Variants in RFX2 observed in about 807,000 individuals in gnomAD.
The protein encoded by RFX2 is regulatory factor X2.
In RFX2, 20 loss-of-function variants were observed where a neutral mutation model predicts 87.8. That is an observed-to-expected ratio of 0.23 (90% CI 0.16 to 0.33). The LOEUF (loss-of-function observed/expected upper bound fraction) is 0.33. Among genes scored for constraint, RFX2 ranks in the 10% least tolerant of loss-of-function variants. The pLI, the probability that RFX2 is intolerant of heterozygous loss-of-function variation, is 1.00. For missense variants in RFX2, 767 were observed against 1,012.3 expected (o/e 0.76, Z 3.29); for synonymous variants, 397 against 431.3 (o/e 0.92, Z 0.98).
intron 5 of RFX2, among the ~76,000 whole-genome samples, chr19:6,036,051 C>A (rs1049318346): frequency 6.6e-6 from 1 of 152,206 alleles, no homozygotes; most frequent in Non-Finnish European, 1.5e-5. Context: ...GATTGTTTCT[C>A]AGTAAATTTG....
At chr19:6,006,119 C>T (rs180880746) in intron 12 of RFX2, among the ~76,000 whole-genome samples, 23 of 152,338 alleles carry the variant, frequency 1.5e-4, no homozygotes, top group African/African-American at 4.6e-4. Context: ...GGACAAATAA[C>T]GCATGCCAGA....
rs1488196861 is a variant in RFX2 at position 6,002,685 on chromosome 19, A to G, written c.1650+36T>C. On this transcript the variant is annotated intron_variant, in intron 14 of 17. Transcript: ENST00000303657. The surrounding 1 kb of genome is among the most constrained non-coding windows in gnomAD (Gnocchi z 6.7). ...TTTGCTGGTTTTGCTGGAGGGCGGG[A>G]AGCCCGGGCCCTGGGGACGGTGTGG... 2 of 1,606,690 alleles carry G rather than the reference A, an allele frequency of 1.2e-6. No individual in the cohort carries two copies. Among genetic ancestry groups the G allele is most frequent in the African/African-American group, 2.7e-5 (2 of 74,738 alleles).
chr19:6,061,825 G>C lies in RFX2; in HGVS notation c.-8-14321C>G, dbSNP rs915215017. Among the ~76,000 whole-genome samples the C allele has an allele frequency of 3.3e-5, 5 of 152,120 alleles. No homozygotes were observed. The highest frequency in any genetic ancestry group is 1.2e-4 in the African/African-American group (5 of 41,414). On this transcript the variant is annotated intron_variant, in intron 1 of 17. Transcript: ENST00000303657. The surrounding 1 kb of genome is among the most constrained non-coding windows in gnomAD (Gnocchi z 5.2). Reference sequence around the variant, plus strand: ...CTTCATCTGAGAAAGGGGCTGGGAGGGGGAAGGGAATGATATAGCTGATGT... The same window carrying C: ...CTTCATCTGAGAAAGGGGCTGGGAGCGGGAAGGGAATGATATAGCTGATGT...
intron 13 of RFX2, among the ~76,000 whole-genome samples, chr19:6,003,850 C>G (rs1316415966): frequency 6.9e-6 from 1 of 145,930 alleles, no homozygotes; most frequent in Non-Finnish European, 1.5e-5. Context: ...CTCTTTTCCA[C>G]AAGTCGGCCA....
intron 1 of RFX2, among the ~76,000 whole-genome samples, chr19:6,099,515 A>AT (rs565382038): frequency 4.5e-4 from 66 of 146,392 alleles, no homozygotes; most frequent in East Asian, 9.9e-4. Flanking sequence ...GGGCTGCGTG[A>AT]TTTTTTTTTT....
rs2087163036 is a variant in RFX2, at chr19:6,044,661, C to T, written c.91-379G>A. Reference sequence around the variant, plus strand: ...GGGTCTGTAGTCTGCAGCAAGGTGACACTGATCGTCCCTAGTACAGAGGGG... The same window carrying T: ...GGGTCTGTAGTCTGCAGCAAGGTGATACTGATCGTCCCTAGTACAGAGGGG... On this transcript the variant is annotated intron_variant, in intron 2 of 17. Coordinates refer to ENST00000303657, the MANE Select transcript of RFX2 (RefSeq NM_000635.4). The surrounding 1 kb of genome is among the most constrained non-coding windows in gnomAD (Gnocchi z 5.3). 6.6e-6 allele frequency among the ~76,000 whole-genome samples: 1 copy of T among 152,048 alleles called. No individual in the cohort carries two copies. Among genetic ancestry groups the T allele is most frequent in the Non-Finnish European group, 1.5e-5 (1 of 68,014 alleles).
At chr19:6,070,517 C>G (rs1400347818) in intron 1 of RFX2, among the ~76,000 whole-genome samples, 3 of 151,998 alleles carry the variant, frequency 2.0e-5, no homozygotes, top group Non-Finnish European at 4.4e-5. Context: ...CACGATAGGG[C>G]CTGGGTATAA....
rs555909224 is a variant in RFX2, at chr19:6,045,707, T to C, written c.91-1425A>G. Among the ~76,000 whole-genome samples, 1 of 152,316 alleles carries C rather than the reference T, an allele frequency of 6.6e-6. No individual in the cohort carries two copies. Among genetic ancestry groups the C allele is most frequent in the East Asian group, 1.9e-4 (1 of 5,188 alleles). On this transcript the variant is annotated intron_variant, in intron 2 of 17. Coordinates refer to ENST00000303657, the MANE Select transcript of RFX2 (RefSeq NM_000635.4). This position sits in a 1 kb window ranked among gnomAD's most constrained non-coding sequence, Gnocchi z 5.2. ...GTTTTTTGGGACGGATTTTTGCTCT[T>C]GTCGCCCAGGCTGAAGTGCGATGGC...
At chr19:6,060,866 C>T (rs1409885420) in intron 1 of RFX2, among the ~76,000 whole-genome samples, 3 of 151,996 alleles carry the variant, frequency 2.0e-5, no homozygotes, top group Admixed American at 6.5e-5. Flanking sequence ...TCAATGTGGA[C>T]GACCTCCCGG....
rs910270202 is a variant in RFX2 at position 6,021,652 on chromosome 19, T to C, written c.597+4511A>G. On this transcript the variant is annotated intron_variant, in intron 6 of 17. Transcript: ENST00000303657. The surrounding 1 kb of genome is among the most constrained non-coding windows in gnomAD (Gnocchi z 5.7). ...GGCCCTGGGGCAGGTCCGAGCCTGG[T>C]GCATTGGAGGAATAGCGAGGAGGCC... 6.6e-6 allele frequency among the ~76,000 whole-genome samples: 1 copy of C among 152,186 alleles called. No homozygotes were observed. Among genetic ancestry groups the C allele is most frequent in the Non-Finnish European group, 1.5e-5 (1 of 68,032 alleles).
At chr19:6,073,286 G>A in intron 1 of RFX2, 1 of 982,218 alleles carries the variant, frequency 1.0e-6, no homozygotes, top group Non-Finnish European at 1.6e-6. Flanking sequence ...GCAAGGGCCA[G>A]ATCTTGATGC....
At position 6,011,151 on chromosome 19, in the gene RFX2, A is replaced by AAT. The variant is rs1000546976; in HGVS notation, c.900-902_900-901dup. The stretch of plus-strand genomic sequence containing the variant: ...AAATAAATTAATTAAAATAAAATAA[A>AAT]ATAAAATAAAATAAAAGGGAGATTC... On this transcript the variant is annotated intron_variant, in intron 8 of 17. Coordinates refer to ENST00000303657, the MANE Select transcript of RFX2 (RefSeq NM_000635.4). The surrounding 1 kb of genome is among the most constrained non-coding windows in gnomAD (Gnocchi z 4.8). 2.0e-5 allele frequency among the ~76,000 whole-genome samples: 3 copies of AAT among 151,982 alleles called. No homozygotes were observed. The highest frequency in any genetic ancestry group is 7.3e-5 in the African/African-American group (3 of 41,368).
chr19:6,043,549 T>G (rs963073602), intron 3 of RFX2, among the ~76,000 whole-genome samples: 2 of 152,266 alleles, frequency 1.3e-5, no homozygotes, highest in Admixed American at 1.3e-4. Context: ...CCTGTTTTTG[T>G]AAATAAAGTT....
chr19:6,081,389 G>A (rs2087782556), intron 1 of RFX2, among the ~76,000 whole-genome samples: 1 of 152,202 alleles, frequency 6.6e-6, no homozygotes, highest in Non-Finnish European at 1.5e-5. Flanking sequence ...TGGAACCGGG[G>A]AAGGAATCAT....
Position 5,994,868 on chromosome 19 carries a change from G to A in RFX2, c.2139C>T (p.Arg713=). The change falls in exon 18 of 18, where the codon CGC becomes CGT. Residue 713 remains arginine, a synonymous_variant. Transcript: ENST00000303657. ...SLGEPLVKRE[R]SDPNHSLQGI is the part of the protein sequence containing the mutation. ...CCTGCAGGGAGTGGTTGGGGTCACTGCGCTCCCGCTTTACCAGGGGCTCAC... is the reference window on the plus strand; with the variant it reads ...CCTGCAGGGAGTGGTTGGGGTCACTACGCTCCCGCTTTACCAGGGGCTCAC... 1 of 1,610,508 alleles carries A rather than the reference G, an allele frequency of 6.2e-7. No homozygotes were observed. Among genetic ancestry groups the A allele is most frequent in the Non-Finnish European group, 8.5e-7 (1 of 1,179,820 alleles).
At chr19:6,030,422 C>T (rs904843211) in intron 5 of RFX2, among the ~76,000 whole-genome samples, 1 of 152,142 alleles carries the variant, frequency 6.6e-6, no homozygotes, top group Non-Finnish European at 1.5e-5. Flanking sequence ...TGTGGTCCAT[C>T]CATACAATGG....
rs1568496115 is a variant in RFX2, at chr19:5,997,531, A to G, written c.1860-318T>C. On this transcript the variant is annotated intron_variant, in intron 15 of 17. Coordinates refer to ENST00000303657, the MANE Select transcript of RFX2 (RefSeq NM_000635.4). This position sits in a 1 kb window ranked among gnomAD's most constrained non-coding sequence, Gnocchi z 4.2. ...TGGCTGGTGCTAGCGCAGGCGCTAG[A>G]TGGGATCTTAGCTGGTGAGTCTTTC... is the stretch of plus-strand genomic sequence containing the variant. 6.6e-6 allele frequency among the ~76,000 whole-genome samples: 1 copy of G among 152,184 alleles called. No homozygotes were observed. The highest frequency in any genetic ancestry group is 1.5e-5 in the Non-Finnish European group (1 of 68,032).
intron 7 of RFX2, among the ~76,000 whole-genome samples, chr19:6,014,505 C>G (rs2086699096): frequency 6.6e-6 from 1 of 152,228 alleles, no homozygotes; most frequent in Non-Finnish European, 1.5e-5. Flanking sequence ...TCCCAATGTG[C>G]TAGGATTACA....
intron 5 of RFX2, among the ~76,000 whole-genome samples, chr19:6,032,040 T>A (rs1481342533): frequency 6.6e-6 from 1 of 152,228 alleles, no homozygotes; most frequent in African/African-American, 2.4e-5. Context: ...CTTAGACATG[T>A]TACCATAGAA....
Sources: gnomAD v4.1 joint callset for allele counts (sites outside exome capture counted in the v4.1 genomes callset) on GRCh38, gnomAD v4.1.1 for gene constraint, Gnocchi (gnomAD v3.1) non-coding constraint, MANE v1.5 for transcripts, NCBI Gene and HGNC (gene_info 2026-07-23, HGNC 2026-07-21) for gene names.